Variants in UBE3D observed in about 807,000 individuals in gnomAD.
UBE3D encodes the protein ubiquitin protein ligase E3D.
A neutral mutation model predicts 49.6 loss-of-function variants in UBE3D; 48 were observed. The observed-to-expected ratio is 0.97, with a 90% CI of 0.77 to 1.23. The LOEUF is 1.23. Among genes scored for constraint, UBE3D ranks in the 50% most tolerant of loss-of-function variants. The probability of loss-of-function intolerance (pLI) is 0.00; values close to 1 mark genes in which losing one functional copy is unlikely to be tolerated. For missense variants in UBE3D, 452 were observed against 468.4 expected (o/e 0.96, Z 0.32); for synonymous variants, 189 against 174.2 (o/e 1.08, Z -0.67).
intron 9 of UBE3D, among the ~76,000 whole-genome samples, chr6:82,893,427 T>TA (rs1365328801): frequency 6.6e-6 from 1 of 152,198 alleles, no homozygotes; most frequent in Non-Finnish European, 1.5e-5. Context: ...TATAGGTAAT[T>TA]ATACCAGTCT....
intron 9 of UBE3D, among the ~76,000 whole-genome samples, chr6:82,894,262 T>C (rs1322869689): frequency 6.6e-6 from 1 of 151,930 alleles, no homozygotes; most frequent in Non-Finnish European, 1.5e-5. Context: ...ATGAGAAACA[T>C]CCTGCCCAAC....
At chr6:82,922,390 A>G (rs1380221740) in intron 9 of UBE3D, among the ~76,000 whole-genome samples, 1 of 152,166 alleles carries the variant, frequency 6.6e-6, no homozygotes, top group East Asian at 1.9e-4. Flanking sequence ...TCTCCAAGTC[A>G]TTTTATGGGG....
intron 8 of UBE3D, among the ~76,000 whole-genome samples, chr6:83,000,683 G>A (rs1488268483): frequency 6.6e-6 from 1 of 151,936 alleles, no homozygotes; most frequent in Admixed American, 6.6e-5. Flanking sequence ...TCCCTGAGTT[G>A]GTCTGTCTCT....
chr6:83,050,399 T>C (rs1290727704), intron 3 of UBE3D, among the ~76,000 whole-genome samples: 2 of 152,166 alleles, frequency 1.3e-5, no homozygotes, highest in Non-Finnish European at 2.9e-5. Flanking sequence ...AACGTCCTCA[T>C]TTTGCAGATG....
At chr6:83,000,271 TTC>T (rs146891351) in intron 8 of UBE3D, among the ~76,000 whole-genome samples, 40 of 152,342 alleles carry the variant, frequency 2.6e-4, no homozygotes, top group African/African-American at 9.4e-4. Context: ...CTATTTGCTA[TTC>T]TCTCTTGAAC....
intron 3 of UBE3D, among the ~76,000 whole-genome samples, chr6:83,046,743 C>A (rs1197264110): frequency 6.6e-6 from 1 of 150,584 alleles, no homozygotes; most frequent in African/African-American, 2.5e-5. Flanking sequence ...GTGTTAGCCT[C>A]TTTCCTCAAA....
chr6:82,960,339 T>C (rs1017777282), intron 8 of UBE3D, among the ~76,000 whole-genome samples: 3 of 152,042 alleles, frequency 2.0e-5, no homozygotes, highest in African/African-American at 7.2e-5. Flanking sequence ...TTTTCCATAA[T>C]TCAAACTTAA....
intron 9 of UBE3D, among the ~76,000 whole-genome samples, chr6:82,950,105 C>T (rs1249896345): frequency 6.6e-6 from 1 of 152,108 alleles, no homozygotes; most frequent in African/African-American, 2.4e-5. Context: ...TACATTTGCA[C>T]ACTACCAATC....
At chr6:82,989,088 T>C (rs1025236440) in intron 8 of UBE3D, among the ~76,000 whole-genome samples, 1 of 152,026 alleles carries the variant, frequency 6.6e-6, no homozygotes, top group Non-Finnish European at 1.5e-5. Flanking sequence ...ATGAGACTCT[T>C]CGGGCAGAAA....
chr6:82,975,662 TGATCAA>T (rs1389897158), intron 8 of UBE3D, among the ~76,000 whole-genome samples: 1 of 152,176 alleles, frequency 6.6e-6, no homozygotes, highest in Non-Finnish European at 1.5e-5. Context: ...TATGAGAAAC[TGATCAA>T]GTCATCTTAA....
At chr6:82,969,126 T>G (rs1207733940) in intron 8 of UBE3D, among the ~76,000 whole-genome samples, 1 of 149,112 alleles carries the variant, frequency 6.7e-6, no homozygotes, top group Non-Finnish European at 1.5e-5. Context: ...ACTGTTTTAC[T>G]TAGAAAGCCT....
intron 6 of UBE3D, among the ~76,000 whole-genome samples, 161 bp downstream of exon 6, chr6:83,023,808 C>A (rs529807369): frequency 6.6e-6 from 1 of 151,968 alleles, no homozygotes; most frequent in South Asian, 2.1e-4. Context: ...ATGGATGCAC[C>A]CAAATCTCAG....
chr6:83,022,235 C>G (rs1416634846), intron 7 of UBE3D, among the ~76,000 whole-genome samples: 1 of 152,122 alleles, frequency 6.6e-6, no homozygotes, highest in Non-Finnish European at 1.5e-5. Context: ...CCATGTTGGC[C>G]AGGCTGGTCT....
At chr6:83,053,751 A>T (rs1783627524) in intron 3 of UBE3D, among the ~76,000 whole-genome samples, 1 of 152,228 alleles carries the variant, frequency 6.6e-6, no homozygotes, top group African/African-American at 2.4e-5. Context: ...CACTGATAAA[A>T]ACAGTTCAAA....
At chr6:83,060,334 G>A (rs577191375) in intron 1 of UBE3D, among the ~76,000 whole-genome samples, 2 of 152,296 alleles carry the variant, frequency 1.3e-5, no homozygotes, top group African/African-American at 4.8e-5. Context: ...TCTCACTGTG[G>A]GAGAATGGAG....
Position 82,925,168 on chromosome 6 carries a change from A to G in UBE3D, c.1150-32126T>C, listed in dbSNP as rs527762495. On this transcript the variant is annotated intron_variant, in intron 9 of 9. Coordinates refer to ENST00000369747, the MANE Select transcript of UBE3D (RefSeq NM_198920.3). ...AAAAAGTGAATGATAAAGGCCAGTGATACAGATATATCTGTAAGCAAAGTC... is the reference window on the plus strand; with the variant it reads ...AAAAAGTGAATGATAAAGGCCAGTGGTACAGATATATCTGTAAGCAAAGTC... The G allele has an allele frequency of 1.0e-4, 16 of 152,386 alleles. No homozygotes were observed. In the South Asian group the frequency reaches 3.3e-3, roughly 32 times the overall value. The allele number at this position is 152,386 out of a possible 1,614,324, so 9.4% of individuals were successfully genotyped here. A position where few individuals can be genotyped will look rare whatever the true frequency, so the allele number is the denominator to read the frequency against.
chr6:82,952,960 G>A (rs939227670), intron 9 of UBE3D, among the ~76,000 whole-genome samples: 8 of 152,152 alleles, frequency 5.3e-5, no homozygotes, highest in African/African-American at 1.9e-4. Flanking sequence ...AGCAGCTCTT[G>A]CCCAGTCCTG....
intron 8 of UBE3D, among the ~76,000 whole-genome samples, chr6:82,984,667 TTTTCA>T (rs1179607828): frequency 6.6e-6 from 1 of 152,188 alleles, no homozygotes; most frequent in African/African-American, 2.4e-5. Context: ...TTAAGAGTTC[TTTTCA>T]TTTCTTTTCT....
intron 5 of UBE3D, chr6:83,036,216 G>A (rs1782242963): frequency 6.6e-6 from 1 of 151,954 alleles, no homozygotes; most frequent in Non-Finnish European, 1.5e-5. Flanking sequence ...TAGAGACAGG[G>A]TTTCACCATG....
Sources: gnomAD v4.1 joint callset for allele counts (sites outside exome capture counted in the v4.1 genomes callset) on GRCh38, gnomAD v4.1.1 for gene constraint, MANE v1.5 for transcripts, NCBI Gene and HGNC (gene_info 2026-07-23, HGNC 2026-07-21) for gene names.